Variants in WDR93 observed in about 807,000 individuals in gnomAD.
WDR93 encodes WD repeat domain 93, also known as WD repeat-containing protein 93.
In WDR93, 73 loss-of-function variants were observed where a neutral mutation model predicts 82.9. That is an observed-to-expected ratio of 0.88 (90% confidence interval 0.73 to 1.07). The LOEUF is 1.07. WDR93 is among the 50% of genes least tolerant of loss of function. The pLI is 0.00. For synonymous variants in WDR93, 283 were observed against 300.1 expected (o/e 0.94, Z 0.59); for missense variants, 738 against 826.0 (o/e 0.89, Z 1.31).
At chr15:89,731,224 TA>T (rs1280257619) in intron 11 of WDR93, among the ~76,000 whole-genome samples, 1 of 152,170 alleles carries the variant, frequency 6.6e-6, no homozygotes, top group Non-Finnish European at 1.5e-5. Flanking sequence ...CATTAAACAT[TA>T]GCTGTAGAGT....
At chr15:89,706,267 A>G (rs1965722878) in intron 4 of WDR93, among the ~76,000 whole-genome samples, 1 of 151,618 alleles carries the variant, frequency 6.6e-6, no homozygotes, top group Non-Finnish European at 1.5e-5. Context: ...CTCAGAAAGT[A>G]TTTTTCAAAT....
At chr15:89,690,554 G>C (rs1037401049), upstream of WDR93, 2 of 1,545,970 alleles carry the variant, frequency 1.3e-6, no homozygotes, top group Admixed American at 2.0e-5. Context: ...GAAAGGGGCG[G>C]AGGCCGCTGG....
intron 11 of WDR93, among the ~76,000 whole-genome samples, chr15:89,730,018 GCT>G (rs1387991489): frequency 1.3e-5 from 2 of 152,150 alleles, no homozygotes; most frequent in African/African-American, 4.8e-5. Context: ...TCCTTAAGCA[GCT>G]AAGGTAAAAA....
intron 8 of WDR93, among the ~76,000 whole-genome samples, chr15:89,724,345 C>T (rs1966648051): frequency 6.6e-6 from 1 of 150,738 alleles, no homozygotes; most frequent in Non-Finnish European, 1.5e-5. Flanking sequence ...GAACCTGTCT[C>T]AAAAAAAAGA....
In WDR93 at chr15:89,735,279, C is replaced by G. The variant is rs185464544; in HGVS notation, c.1545-211C>G. On this transcript the variant is annotated intron_variant, in intron 13 of 16. Coordinates refer to ENST00000268130, the MANE Select transcript of WDR93 (RefSeq NM_020212.2). ...GCTCCAGTTCTTTTATTTTCATTAC[C>G]ATATTATATTTCATTGTATAAGATA... is the stretch of plus-strand genomic sequence containing the variant. 2.0e-5 allele frequency among the ~76,000 whole-genome samples: 3 copies of G among 152,226 alleles called. No individual in the cohort carries two copies. In the East Asian group the frequency reaches 5.8e-4, roughly 29 times the overall value.
chr15:89,713,815 T>C (rs1966115350), intron 5 of WDR93, among the ~76,000 whole-genome samples: 1 of 152,124 alleles, frequency 6.6e-6, no homozygotes, highest in Non-Finnish European at 1.5e-5. Context: ...CAAGGAAACT[T>C]GTGCACCATC....
At chr15:89,709,938 A>G (rs1218300342) in intron 4 of WDR93, among the ~76,000 whole-genome samples, 1 of 152,116 alleles carries the variant, frequency 6.6e-6, no homozygotes, top group Non-Finnish European at 1.5e-5. Context: ...AGGCGGGCGG[A>G]TCACGAGGTC....
chr15:89,738,446 G>A (rs925120503), intron 16 of WDR93, among the ~76,000 whole-genome samples: 3 of 152,052 alleles, frequency 2.0e-5, no homozygotes, highest in African/African-American at 4.8e-5. Context: ...GGTCAACATG[G>A]TGAAACCCCG....
intron 3 of WDR93, 161 bp from the exon 4 acceptor site, chr15:89,705,393 G>C: frequency 1.6e-6 from 1 of 643,300 alleles, no homozygotes. Context: ...GTGGAGGAAG[G>C]CAGGGAGACC....
At chr15:89,712,293 C>T (rs921459281) in intron 5 of WDR93, among the ~76,000 whole-genome samples, 189 bp downstream of exon 5, 1 of 151,776 alleles carries the variant, frequency 6.6e-6, no homozygotes, top group African/African-American at 2.4e-5. Context: ...AACATGGCCA[C>T]ACCACATTTG....
chr15:89,706,009 A>G (rs1965709893), intron 4 of WDR93, among the ~76,000 whole-genome samples: 1 of 151,954 alleles, frequency 6.6e-6, no homozygotes, highest in South Asian at 2.1e-4. Flanking sequence ...CTCCCTACCA[A>G]AATTTCCCCC....
chr15:89,697,545 A>G (rs994652668), intron 1 of WDR93, among the ~76,000 whole-genome samples: 1 of 152,210 alleles, frequency 6.6e-6, no homozygotes, highest in African/African-American at 2.4e-5. Flanking sequence ...GAGTTGGTTT[A>G]TGGCCTGGAA....
At chr15:89,690,584 G>C, upstream of WDR93, 1 of 1,551,338 alleles carries the variant, frequency 6.4e-7, no homozygotes, top group Non-Finnish European at 8.7e-7. Context: ...CACCTGAAGA[G>C]TCGGTCCCGG....
intron 3 of WDR93, chr15:89,703,465 G>A: frequency 2.7e-6 from 1 of 367,342 alleles, no homozygotes; most frequent in South Asian, 3.2e-5. Context: ...AGGCAGTATG[G>A]CCCTGGAGTC....
chr15:89,728,139 A>G (rs1383638192), intron 9 of WDR93, among the ~76,000 whole-genome samples: 1 of 152,208 alleles, frequency 6.6e-6, no homozygotes, highest in Non-Finnish European at 1.5e-5. Context: ...AAATAAAGTC[A>G]CCACTACTAA....
chr15:89,703,206 A>G, intron 3 of WDR93, 64 bp downstream of exon 3: 1 of 1,582,496 alleles, frequency 6.3e-7, no homozygotes, highest in South Asian at 1.1e-5. Flanking sequence ...TGTCAATTTA[A>G]TCTCCTTTTG....
At chr15:89,696,233 A>G (rs1206252239) in intron 1 of WDR93, among the ~76,000 whole-genome samples, 1 of 152,218 alleles carries the variant, frequency 6.6e-6, no homozygotes, top group Middle Eastern at 3.2e-3. Flanking sequence ...ATTGGACTGC[A>G]TATAAATTTT....
rs1967355912 is a variant in WDR93, at chr15:89,738,087, A to G, written c.1812A>G (p.Gln604=). Residue 604 remains glutamine (Q), a synonymous_variant, in exon 16 of 17, where the codon CAA becomes CAG. Coordinates refer to ENST00000268130, the MANE Select transcript of WDR93 (RefSeq NM_020212.2). ...CGTCCACCGACGATGCTGGAATCCA[A>G]TATTCTGTTTTCTATTTTAATTTTG... is the stretch of plus-strand genomic sequence containing the variant. ...ETASTDDAGI[Q]YSVFYFNFEA... is the part of the protein sequence containing the mutation. The G allele has an allele frequency of 6.2e-7, 1 of 1,613,912 alleles. No homozygotes were observed.
intron 8 of WDR93, among the ~76,000 whole-genome samples, chr15:89,725,416 A>G (rs1966693702): frequency 6.6e-6 from 1 of 152,192 alleles, no homozygotes; most frequent in East Asian, 1.9e-4. Flanking sequence ...TGTTTAGGTG[A>G]TAAAAGCATA....
Sources: gnomAD v4.1 joint callset for allele counts (sites outside exome capture counted in the v4.1 genomes callset) on GRCh38, gnomAD v4.1.1 for gene constraint, MANE v1.5 for transcripts, NCBI Gene and HGNC (gene_info 2026-07-23, HGNC 2026-07-21) for gene names.